Variants in ABTB2 observed in about 807,000 individuals in gnomAD.
ABTB2 encodes the protein ankyrin repeat and BTB domain containing 2, also known as ankyrin repeat and BTB/POZ domain-containing protein 2.
Under a neutral mutation model 104.1 loss-of-function variants are expected in ABTB2, and 56 were observed. The ratio of observed to expected loss-of-function variants is 0.54; its 90% CI spans 0.43 to 0.67. ABTB2 has a LOEUF of 0.67. ABTB2 is among the 30% of genes least tolerant of loss of function. The pLI, the probability that ABTB2 is intolerant of heterozygous loss-of-function variation, is 0.00. For missense variants in ABTB2, 1,279 were observed against 1,407.7 expected (o/e 0.91, Z 1.46); for synonymous variants, 606 against 608.2 (o/e 1.00, Z 0.05).
chr11:34,286,637 T>A (rs1854509990), intron 1 of ABTB2, among the ~76,000 whole-genome samples: 1 of 152,104 alleles, frequency 6.6e-6, no homozygotes, highest in South Asian at 2.1e-4. Flanking sequence ...CCTAGGTTCC[T>A]TCGCCAGCAC....
chr11:34,253,654 C>T (rs1041535254), intron 1 of ABTB2, among the ~76,000 whole-genome samples: 1 of 147,094 alleles, frequency 6.8e-6, no homozygotes, highest in Non-Finnish European at 1.5e-5. Flanking sequence ...CCAGTCTGCG[C>T]AATAGAGCGA....
rs1312848263 is a variant in ABTB2 at position 34,154,531 on chromosome 11, T to C, written c.2767-153A>G. 6.6e-6 allele frequency among the ~76,000 whole-genome samples: 1 copy of C among 152,172 alleles called. No homozygotes were observed. The highest frequency in any genetic ancestry group is 1.5e-5 in the Non-Finnish European group (1 of 68,016). ...TACTCCTGGGCCTAACCATCCCCGC[T>C]GGGACACGCACTGAGGCTGGGCTCA... On this transcript the variant is annotated intron_variant, in intron 15 of 16. Transcript: ENST00000435224. This position sits in a 1 kb window ranked among gnomAD's most constrained non-coding sequence, Gnocchi z 4.9.
chr11:34,281,053 C>G (rs561414694), intron 1 of ABTB2, among the ~76,000 whole-genome samples: 4 of 152,172 alleles, frequency 2.6e-5, no homozygotes, highest in Non-Finnish European at 5.9e-5. Context: ...TGGGGGAGCC[C>G]AGAACATACT....
intron 1 of ABTB2, among the ~76,000 whole-genome samples, chr11:34,326,202 A>G (rs1855068196): frequency 6.6e-6 from 1 of 152,142 alleles, no homozygotes; most frequent in Non-Finnish European, 1.5e-5. Context: ...TTAAACATCT[A>G]GGAAAATACC....
chr11:34,172,391 AAAAAATAT>A (rs1427450912), intron 4 of ABTB2, among the ~76,000 whole-genome samples: 9 of 26,802 alleles, frequency 3.4e-4, no homozygotes, highest in African/African-American at 7.6e-4. Flanking sequence ...AAAAAAAAAA[AAAAAATAT>A]ATATATATAT....
At chr11:34,164,300 C>T (rs1852765548) in intron 9 of ABTB2, among the ~76,000 whole-genome samples, 1 of 152,220 alleles carries the variant, frequency 6.6e-6, no homozygotes, top group Non-Finnish European at 1.5e-5. Flanking sequence ...GAAGCCTCTG[C>T]ACAGCTGAGC....
At position 34,357,652 on chromosome 11, in the gene ABTB2, G is replaced by T; in HGVS notation, c.-69C>A. ...CAACTCCATGCCCTCTTTCCCAAGT[G>T]GGCAGAAACAAGCTCTAGGCCCTCC... On this transcript the variant is annotated 5_prime_UTR_variant, in exon 1 of 17. Transcript: ENST00000435224. 1 of 1,420,760 alleles carries T rather than the reference G, an allele frequency of 7.0e-7. No individual in the cohort carries two copies. Among genetic ancestry groups the T allele is most frequent in the Non-Finnish European group, 9.2e-7 (1 of 1,083,620 alleles). 88.0% of individuals were successfully genotyped at this position (1,420,760 alleles called of 1,614,324 possible). A position where few individuals can be genotyped will look rare whatever the true frequency, so the allele number is the denominator to read the frequency against.
chr11:34,335,633 C>T, intron 1 of ABTB2: 5 of 1,489,774 alleles, frequency 3.4e-6, no homozygotes, highest in African/African-American at 1.4e-5. Context: ...GCATCATTAC[C>T]CTGAAATTCA....
intron 1 of ABTB2, among the ~76,000 whole-genome samples, chr11:34,286,705 A>T (rs1026116824): frequency 6.6e-6 from 1 of 152,152 alleles, no homozygotes; most frequent in East Asian, 1.9e-4. Flanking sequence ...CTCACCATCC[A>T]TCACCATTTT....
At chr11:34,182,272 T>C (rs1163057203) in intron 3 of ABTB2, among the ~76,000 whole-genome samples, 2 of 152,186 alleles carry the variant, frequency 1.3e-5, no homozygotes, top group Non-Finnish European at 2.9e-5. Flanking sequence ...CAAAGAAACA[T>C]TTCTAGTCCA....
chr11:34,183,081 A>G (rs901986361), intron 3 of ABTB2, among the ~76,000 whole-genome samples: 1 of 152,096 alleles, frequency 6.6e-6, no homozygotes, highest in Admixed American at 6.6e-5. Context: ...AGTAACCACA[A>G]TTTGTCATGC....
intron 1 of ABTB2, among the ~76,000 whole-genome samples, chr11:34,326,015 T>TA (rs869278215): frequency 1.4e-5 from 2 of 142,878 alleles, no homozygotes; most frequent in Non-Finnish European, 3.1e-5. Flanking sequence ...TAAAATAAAA[T>TA]AAAGAAAAAG....
chr11:34,202,486 C>T (rs900780891), intron 2 of ABTB2, among the ~76,000 whole-genome samples: 2 of 151,980 alleles, frequency 1.3e-5, no homozygotes, highest in African/African-American at 4.8e-5. Context: ...AAGCCATTGT[C>T]GGGGGATAGA....
At chr11:34,207,170 G>A (rs1242945232) in intron 1 of ABTB2, among the ~76,000 whole-genome samples, 1 of 152,202 alleles carries the variant, frequency 6.6e-6, no homozygotes, top group Non-Finnish European at 1.5e-5. Context: ...CAAACAGCTG[G>A]GAGAGCCCAG....
chr11:34,270,724 G>T (rs1183453791), intron 1 of ABTB2, among the ~76,000 whole-genome samples: 2 of 152,180 alleles, frequency 1.3e-5, no homozygotes, highest in Non-Finnish European at 2.9e-5. Context: ...GTGGAGTTTG[G>T]GGGGTGGGAA....
In ABTB2 at chr11:34,151,053, G is replaced by A. The variant is rs1852529597; in HGVS notation, c.*1334C>T. On this transcript the variant is annotated 3_prime_UTR_variant, in exon 17 of 17. Coordinates refer to ENST00000435224, the MANE Select transcript of ABTB2 (RefSeq NM_145804.3). Reference sequence around the variant, plus strand: ...ATTTACAGTAAGTGACAACATTATTGTACAGTTAAAGTATCATACAATATT... The same window carrying A: ...ATTTACAGTAAGTGACAACATTATTATACAGTTAAAGTATCATACAATATT... 6.5e-6 allele frequency: 1 copy of A among 152,736 alleles called. No homozygotes were observed. The highest frequency in any genetic ancestry group is 2.1e-4 in the South Asian group (1 of 4,830). 9.5% of individuals were successfully genotyped at this position (152,736 alleles called of 1,614,324 possible).
intron 1 of ABTB2, among the ~76,000 whole-genome samples, chr11:34,348,929 G>T (rs1188654867): frequency 6.6e-6 from 1 of 152,030 alleles, no homozygotes; most frequent in Non-Finnish European, 1.5e-5. Flanking sequence ...CAAGATTCTT[G>T]TCCCTTGCTA....
At chr11:34,181,492 C>G (rs1413264307) in intron 3 of ABTB2, among the ~76,000 whole-genome samples, 1 of 152,192 alleles carries the variant, frequency 6.6e-6, no homozygotes, top group Non-Finnish European at 1.5e-5. Flanking sequence ...AGCCTCGGGT[C>G]TCTGTTCCCA....
chr11:34,221,309 T>C (rs1435916146), intron 1 of ABTB2, among the ~76,000 whole-genome samples: 1 of 152,174 alleles, frequency 6.6e-6, no homozygotes, highest in African/African-American at 2.4e-5. Flanking sequence ...CATACTGAGT[T>C]AAGGCCTACC....
Sources: allele counts gnomAD v4.1 joint callset (sites outside exome capture counted in the v4.1 genomes callset), GRCh38; gene constraint gnomAD v4.1.1; non-coding constraint Gnocchi (gnomAD v3.1); transcripts MANE v1.5; gene names NCBI Gene and HGNC (gene_info 2026-07-23, HGNC 2026-07-21).